Variants in RAMP1 observed in about 807,000 individuals in gnomAD.
The protein encoded by RAMP1 is receptor activity-modifying protein 1.
RAMP1 carries 7 observed loss-of-function variants against 8.2 expected under a neutral mutation model. That is an observed-to-expected ratio of 0.85 (90% CI 0.49 to 1.60). RAMP1 has a LOEUF of 1.60. RAMP1 is among the 40% of genes most tolerant of loss of function. The probability of loss-of-function intolerance (pLI) is 0.00; values close to 1 mark genes in which losing one functional copy is unlikely to be tolerated. For synonymous variants in RAMP1, 92 were observed against 84.7 expected, an observed-to-expected ratio of 1.09 and a Z score of -0.47; for missense variants, 192 against 202.4, an observed-to-expected ratio of 0.95 and a Z score of 0.31.
intron 1 of RAMP1, among the ~76,000 whole-genome samples, chr2:237,871,514 G>A (rs1341777805): frequency 1.3e-5 from 2 of 152,184 alleles, no homozygotes; most frequent in African/African-American, 4.8e-5. Context: ...AACTGAAGGG[G>A]CCCTGTTCAG....
intron 2 of RAMP1, among the ~76,000 whole-genome samples, chr2:237,896,616 G>A (rs1172269644): frequency 6.6e-6 from 1 of 152,240 alleles, no homozygotes; most frequent in Non-Finnish European, 1.5e-5. Flanking sequence ...ACACTCACGC[G>A]GGGAAACAGG....
chr2:237,903,537 G>C (rs192346092), intron 2 of RAMP1, among the ~76,000 whole-genome samples: 52 of 150,944 alleles, frequency 3.4e-4, no homozygotes, highest in African/African-American at 1.2e-3. Context: ...CTTTTTTTTT[G>C]AGACAGGGTC....
At chr2:237,863,970 C>T (rs181064468) in intron 1 of RAMP1, among the ~76,000 whole-genome samples, 2 of 152,248 alleles carry the variant, frequency 1.3e-5, no homozygotes, top group East Asian at 3.9e-4. Flanking sequence ...CCCACCCCAC[C>T]CACCACCCCA....
chr2:237,895,428 C>G (rs1229166414), intron 2 of RAMP1, among the ~76,000 whole-genome samples: 1 of 152,138 alleles, frequency 6.6e-6, no homozygotes, highest in African/African-American at 2.4e-5. Flanking sequence ...CTCCTCAAAA[C>G]CCCCACAGTG....
intron 2 of RAMP1, among the ~76,000 whole-genome samples, chr2:237,895,169 C>A (rs1449961548): frequency 6.6e-6 from 1 of 152,078 alleles, no homozygotes; most frequent in African/African-American, 2.4e-5. Flanking sequence ...GATTGTAGAG[C>A]GAGTCAGGAG....
In RAMP1 at chr2:237,859,723, C is replaced by A. The variant is rs2304437; in HGVS notation, c.48C>A (p.Leu16=). The A allele has an allele frequency of 1.3e-6, 2 of 1,513,380 alleles. No individual in the cohort carries two copies. The highest frequency in any genetic ancestry group is 5.5e-5 in the East Asian group (2 of 36,256). The allele number at this position is 1,513,380 out of a possible 1,614,324, so 93.7% of individuals were successfully genotyped here. The part of the protein sequence containing the change: ...CRLPRRGLWL[L]LAHHLFMTTA... ...TCCCGCGGCGCGGCCTCTGGCTGCT[C>A]CTGGGTGAGTAGGTCCAGGGGTCCC... The change falls in exon 1 of 3, where the codon CTC becomes CTA. Residue 16 remains leucine, a synonymous_variant. Coordinates refer to ENST00000254661, the MANE Select transcript of RAMP1 (RefSeq NM_005855.4).
chr2:237,896,368 C>A (rs1195469818), intron 2 of RAMP1, among the ~76,000 whole-genome samples: 1 of 152,210 alleles, frequency 6.6e-6, no homozygotes, highest in East Asian at 1.9e-4. Flanking sequence ...AAACCTCTCG[C>A]TTCTCCCAGC....
At chr2:237,885,718 C>G (rs1000495195) in intron 2 of RAMP1, among the ~76,000 whole-genome samples, 7 of 152,238 alleles carry the variant, frequency 4.6e-5, no homozygotes, top group Admixed American at 1.3e-4. Flanking sequence ...TCGCTCCTGC[C>G]GTGCCCCTCT....
At chr2:237,883,816 CAAAA>C (rs56095303) in intron 2 of RAMP1, among the ~76,000 whole-genome samples, 1 of 61,474 alleles carries the variant, frequency 1.6e-5, no homozygotes. Context: ...GACCCTACCT[CAAAA>C]AAAAAAAAAA....
intron 2 of RAMP1, among the ~76,000 whole-genome samples, chr2:237,895,950 A>G (rs1417787542): frequency 6.6e-6 from 1 of 152,128 alleles, no homozygotes; most frequent in African/African-American, 2.4e-5. Context: ...TCTCAGCCCC[A>G]TCACACACAG....
At chr2:237,910,846 A>G (rs997985648) in intron 2 of RAMP1, among the ~76,000 whole-genome samples, 13 of 150,720 alleles carry the variant, frequency 8.6e-5, no homozygotes, top group Admixed American at 8.6e-4. Flanking sequence ...CATGCAGAAT[A>G]ACACAGTTAC....
intron 2 of RAMP1, among the ~76,000 whole-genome samples, chr2:237,895,284 G>C (rs186304110): frequency 6.6e-6 from 1 of 152,142 alleles, no homozygotes. Flanking sequence ...GGTCCTGTGG[G>C]GGGGTCATGG....
At chr2:237,891,680 C>G (rs2062489794) in intron 2 of RAMP1, among the ~76,000 whole-genome samples, 1 of 152,120 alleles carries the variant, frequency 6.6e-6, no homozygotes, top group African/African-American at 2.4e-5. Flanking sequence ...ACAATGAATA[C>G]TTGAAAAAGA....
At chr2:237,888,867 G>A (rs1446657567) in intron 2 of RAMP1, among the ~76,000 whole-genome samples, 1 of 152,118 alleles carries the variant, frequency 6.6e-6, no homozygotes, top group Non-Finnish European at 1.5e-5. Flanking sequence ...TGCCTCCCGG[G>A]TTCAAGTGAT....
rs1020197279 is a variant in RAMP1 at position 237,865,375 on chromosome 2, G to C, written c.52+5648G>C. ...GTAGAGAGGAGAGTGCAGGGGAGGG[G>C]AGATGACACCCCAGGCCACAGCCAG... On this transcript the variant is annotated intron_variant, in intron 1 of 2. Coordinates refer to ENST00000254661, the MANE Select transcript of RAMP1 (RefSeq NM_005855.4). The surrounding 1 kb of genome is among the most constrained non-coding windows in gnomAD (Gnocchi z 4.2). Among the ~76,000 whole-genome samples, 8 of 150,552 alleles carry C rather than the reference G, an allele frequency of 5.3e-5. No homozygotes were observed. The highest frequency in any genetic ancestry group is 1.7e-4 in the African/African-American group (7 of 40,876).
chr2:237,868,269 C>T (rs2062209616), intron 1 of RAMP1, among the ~76,000 whole-genome samples: 1 of 152,106 alleles, frequency 6.6e-6, no homozygotes, highest in South Asian at 2.1e-4. Flanking sequence ...CTCTCGAACT[C>T]CTGGCCTTCG....
chr2:237,866,565 G>A lies in RAMP1; in HGVS notation c.52+6838G>A, dbSNP rs112288346. Reference sequence around the variant, plus strand: ...GCAATACAAGTGACCCTTGAACAACGCAGGGGTGGGGCGCCGAACCCCCAC... The same window carrying A: ...GCAATACAAGTGACCCTTGAACAACACAGGGGTGGGGCGCCGAACCCCCAC... On this transcript the variant is annotated intron_variant, in intron 1 of 2. Transcript: ENST00000254661. Among the ~76,000 whole-genome samples, 278 of 152,176 alleles carry A rather than the reference G, an allele frequency of 1.8e-3. 2 individuals are homozygous for A. Among genetic ancestry groups the A allele is most frequent in the African/African-American group, 6.1e-3 (255 of 41,514 alleles).
intron 1 of RAMP1, among the ~76,000 whole-genome samples, chr2:237,860,160 C>A (rs1339207877): frequency 6.6e-6 from 1 of 152,226 alleles, no homozygotes; most frequent in African/African-American, 2.4e-5. Context: ...AACCTGCAGA[C>A]GGGCACCTTG....
Position 237,877,144 on chromosome 2 carries a change from G to T in RAMP1, c.53-80G>T. The T allele has an allele frequency of 6.3e-7, 1 of 1,592,852 alleles. No individual in the cohort carries two copies. Among genetic ancestry groups the T allele is most frequent in the African/African-American group, 1.3e-5 (1 of 74,802 alleles). ...GCCCCGTTCTCGTGGAGTCCGGGCT[G>T]CAGGGGCGCGCGGGCTGGCGGTGAT... is the stretch of plus-strand genomic sequence containing the variant. On this transcript the variant is annotated intron_variant, in intron 1 of 2. Transcript: ENST00000254661. The surrounding 1 kb of genome is among the most constrained non-coding windows in gnomAD (Gnocchi z 4.4).
Sources: gnomAD v4.1 joint callset for allele counts (sites outside exome capture counted in the v4.1 genomes callset) on GRCh38, gnomAD v4.1.1 for gene constraint, Gnocchi (gnomAD v3.1) non-coding constraint, MANE v1.5 for transcripts, NCBI Gene and HGNC (gene_info 2026-07-23, HGNC 2026-07-21) for gene names.